The following SIAH2 variants were observed in gnomAD, a reference collection of about 807,000 sequenced individuals.
SIAH2 encodes the protein siah E3 ubiquitin protein ligase 2.
Under a neutral mutation model 20.4 loss-of-function variants are expected in SIAH2, and 4 were observed. That is an observed-to-expected ratio of 0.20 (90% CI 0.10 to 0.45). SIAH2 has a LOEUF of 0.45. SIAH2 is among the 20% of genes least tolerant of loss of function. SIAH2 has a pLI of 0.99. For synonymous variants in SIAH2, 171 were observed against 192.5 expected (o/e 0.89, Z 0.93); for missense variants, 259 against 440.3 (o/e 0.59, Z 3.69).
chr3:150,757,019 C>T (rs993380436), intron 1 of SIAH2, among the ~76,000 whole-genome samples: 1 of 152,134 alleles, frequency 6.6e-6, no homozygotes, highest in Non-Finnish European at 1.5e-5. Flanking sequence ...CCATTGCAAC[C>T]TTCCAACCAC....
At position 150,742,533 on chromosome 3, in the gene SIAH2, T is replaced by C. The variant is rs1473613088; in HGVS notation, c.583A>G (p.Ile195Val). The C allele has an allele frequency of 1.2e-6, 2 of 1,613,982 alleles. No homozygotes were observed. The highest frequency in any genetic ancestry group is 1.7e-6 in the Non-Finnish European group (2 of 1,179,970). Residue 195 changes from isoleucine (I) to valine (V), a missense_variant, in exon 2 of 2, where the codon ATT (isoleucine) becomes GTT (valine). Physicochemically the swap from Ile to Val is conservative, Grantham distance 29. Around this residue, in one of 2 missense-constraint regions of SIAH2, gnomAD observed 160 missense variants for 327.6 expected, o/e 0.49. Coordinates refer to ENST00000312960, the MANE Select transcript of SIAH2 (RefSeq NM_005067.7). The surrounding 1 kb of genome is among the most constrained non-coding windows in gnomAD (Gnocchi z 4.8). Reference sequence around the variant, plus strand: ...ATGTCTTCTCCCTGAAGGGTGGTAATGCTCTTGTGGGCGTGCATGAGATGG... The same window carrying C: ...ATGTCTTCTCCCTGAAGGGTGGTAACGCTCTTGTGGGCGTGCATGAGATGG... ...MSHLMHAHKS[I>V]TTLQGEDIVF...
At chr3:150,751,437 A>AG (rs970903301) in intron 1 of SIAH2, among the ~76,000 whole-genome samples, 1 of 151,896 alleles carries the variant, frequency 6.6e-6, no homozygotes, top group Non-Finnish European at 1.5e-5. Context: ...AGAAAAAAAA[A>AG]AGAGAGAGAT....
Position 150,762,933 on chromosome 3 carries a change from G to C in SIAH2, c.-84C>G. 1 of 1,111,938 alleles carries C rather than the reference G, an allele frequency of 9.0e-7. No individual in the cohort carries two copies. Among genetic ancestry groups the C allele is most frequent in the Non-Finnish European group, 1.1e-6 (1 of 903,868 alleles). The allele number at this position is 1,111,938 out of a possible 1,614,324, so 68.9% of individuals were successfully genotyped here. ...CAAGGCGGTGCGCGCCCCGCGGGCA[G>C]CGAGCTCCGAGGCAACGCCACGGCG... On this transcript the variant is annotated 5_prime_UTR_variant, in exon 1 of 2. Transcript: ENST00000312960. This position sits in a 1 kb window ranked among gnomAD's most constrained non-coding sequence, Gnocchi z 6.6.
At chr3:150,746,931 G>A (rs180940096) in intron 1 of SIAH2, among the ~76,000 whole-genome samples, 22 of 152,322 alleles carry the variant, frequency 1.4e-4, no homozygotes, top group African/African-American at 4.6e-4. Context: ...CATTCTACCC[G>A]TTTTATTCAC....
intron 1 of SIAH2, among the ~76,000 whole-genome samples, chr3:150,752,106 C>T (rs1714383828): frequency 6.6e-6 from 1 of 152,200 alleles, no homozygotes; most frequent in African/African-American, 2.4e-5. Flanking sequence ...AAACAAAACA[C>T]TTAAAAGCTG....
Position 150,762,796 on chromosome 3 carries a change from C to A in SIAH2, c.54G>T (p.Gln18His). 8.2e-7 allele frequency: 1 copy of A among 1,222,860 alleles called. No homozygotes were observed. The highest frequency in any genetic ancestry group is 1.0e-6 in the Non-Finnish European group (1 of 969,628). The allele number at this position is 1,222,860 out of a possible 1,614,324, so 75.8% of individuals were successfully genotyped here. Residue 18 changes from glutamine to histidine, a missense_variant, in exon 1 of 2, where the codon CAG (glutamine) becomes CAT (histidine). Gln to His is a conservative substitution (Grantham distance 24). Transcript: ENST00000312960. The surrounding 1 kb of genome is among the most constrained non-coding windows in gnomAD (Gnocchi z 6.6). The stretch of plus-strand genomic sequence containing the variant: ...GAGTGTGCTGGGGCTGCGGCGGCGG[C>A]TGCTTGCTGCAGGGTTTATTAGCGC... Reference protein sequence around the residue: ...GPSANKPCSKQPPPQPQHTPS... With the variant: ...GPSANKPCSKHPPPQPQHTPS...
At chr3:150,744,704 A>G (rs1714171434) in intron 1 of SIAH2, among the ~76,000 whole-genome samples, 1 of 152,262 alleles carries the variant, frequency 6.6e-6, no homozygotes, top group South Asian at 2.1e-4. Context: ...ATATCTGAAG[A>G]TGTTTCAAGA....
Position 150,741,922 on chromosome 3 carries a change from T to C in SIAH2, c.*219A>G, listed in dbSNP as rs1714095828. 1.8e-6 allele frequency: 1 copy of C among 564,342 alleles called. No individual in the cohort carries two copies. The highest frequency in any genetic ancestry group is 1.9e-5 in the African/African-American group (1 of 52,910). 35.0% of individuals were successfully genotyped at this position (564,342 alleles called of 1,614,324 possible). A position where few individuals can be genotyped will look rare whatever the true frequency, so the allele number is the denominator to read the frequency against. On this transcript the variant is annotated 3_prime_UTR_variant, in exon 2 of 2. Transcript: ENST00000312960. ...ACAATTCAATAAGAGTTGTTTTAGATCACAGAACAGCATCCAAATCACCAA... is the reference window on the plus strand; with the variant it reads ...ACAATTCAATAAGAGTTGTTTTAGACCACAGAACAGCATCCAAATCACCAA...
In SIAH2 at chr3:150,742,383, A is replaced by C; in HGVS notation, c.733T>G (p.Phe245Val). 6.2e-7 allele frequency: 1 copy of C among 1,614,046 alleles called. No individual in the cohort carries two copies. The highest frequency in any genetic ancestry group is 8.5e-7 in the Non-Finnish European group (1 of 1,180,014). Residue 245 changes from phenylalanine (F) to valine (V), a missense_variant, in exon 2 of 2, where the codon TTT (phenylalanine) becomes GTT (valine). By Grantham distance (50) the Phe-to-Val change is conservative. Coordinates refer to ENST00000312960, the MANE Select transcript of SIAH2 (RefSeq NM_005067.7). This position sits in a 1 kb window ranked among gnomAD's most constrained non-coding sequence, Gnocchi z 4.8. Reference protein sequence around the residue: ...KQEKYEGHQQFFAIVLLIGTR... With the variant: ...KQEKYEGHQQVFAIVLLIGTR... ...CCAATGAGCAGGACGATGGCAAAAAACTGCTGGTGGCCTTCGTACTTCTCT... is the reference window on the plus strand; with the variant it reads ...CCAATGAGCAGGACGATGGCAAAAACCTGCTGGTGGCCTTCGTACTTCTCT...
At chr3:150,744,964 T>G (rs944690056) in intron 1 of SIAH2, among the ~76,000 whole-genome samples, 2 of 152,104 alleles carry the variant, frequency 1.3e-5, no homozygotes, top group Non-Finnish European at 2.9e-5. Flanking sequence ...CACCCAAATA[T>G]ACAGAACAGG....
intron 1 of SIAH2, among the ~76,000 whole-genome samples, chr3:150,755,952 G>C (rs556204480): frequency 6.6e-6 from 1 of 152,300 alleles, no homozygotes; most frequent in Admixed American, 6.5e-5. Flanking sequence ...ACCTGACCAG[G>C]AATATTTTTC....
At chr3:150,754,323 A>T (rs1714435031) in intron 1 of SIAH2, among the ~76,000 whole-genome samples, 1 of 152,224 alleles carries the variant, frequency 6.6e-6, no homozygotes, top group Non-Finnish European at 1.5e-5. Flanking sequence ...GGAGTGAGGC[A>T]TCTCACATGG....
Position 150,762,198 on chromosome 3 carries a change from T to A in SIAH2, c.417+235A>T. The A allele has an allele frequency of 1.2e-6, 1 of 806,604 alleles. No homozygotes were observed. Among genetic ancestry groups the A allele is most frequent in the East Asian group, 3.3e-5 (1 of 29,944 alleles). 50.0% of individuals were successfully genotyped at this position (806,604 alleles called of 1,614,324 possible). On this transcript the variant is annotated intron_variant, in intron 1 of 1. Transcript: ENST00000312960. The surrounding 1 kb of genome is among the most constrained non-coding windows in gnomAD (Gnocchi z 6.6). The stretch of plus-strand genomic sequence containing the variant: ...CGGGTGAGCTACGATGTTCTAACGA[T>A]CAGCAAATGCCAATTAATCTGTTAA...
Position 150,762,861 on chromosome 3 carries a change from C to T in SIAH2, c.-12G>A. 8.3e-7 allele frequency: 1 copy of T among 1,200,116 alleles called. No homozygotes were observed. The highest frequency in any genetic ancestry group is 3.8e-5 in the East Asian group (1 of 26,146). The allele number at this position is 1,200,116 out of a possible 1,614,324, so 74.3% of individuals were successfully genotyped here. A position where few individuals can be genotyped will look rare whatever the true frequency, so the allele number is the denominator to read the frequency against. On this transcript the variant is annotated 5_prime_UTR_variant, in exon 1 of 2. Coordinates refer to ENST00000312960, the MANE Select transcript of SIAH2 (RefSeq NM_005067.7). This position sits in a 1 kb window ranked among gnomAD's most constrained non-coding sequence, Gnocchi z 6.6. ...GACGGGCGGCTCATCGCGCTCCGAA[C>T]CAACCATGGAACTGCGGGCGCCTGC...
intron 1 of SIAH2, among the ~76,000 whole-genome samples, chr3:150,751,606 A>G (rs994053236): frequency 1.3e-5 from 2 of 152,186 alleles, no homozygotes; most frequent in African/African-American, 4.8e-5. Context: ...TGGGGAAGAC[A>G]ATTCTAATTA....
At position 150,762,448 on chromosome 3, in the gene SIAH2, G is replaced by T; in HGVS notation, c.402C>A (p.Val134=). The T allele has an allele frequency of 6.2e-7, 1 of 1,612,768 alleles. No individual in the cohort carries two copies. The highest frequency in any genetic ancestry group is 8.5e-7 in the Non-Finnish European group (1 of 1,179,612). The change falls in exon 1 of 2, where the codon GTC becomes GTA. Residue 134 remains valine (V), a synonymous_variant. Transcript: ENST00000312960. This position sits in a 1 kb window ranked among gnomAD's most constrained non-coding sequence, Gnocchi z 6.6. ...NLAMEKVASA[V]LFPCKYATTG... is the part of the protein sequence containing the mutation. ...CTGGGCTTACCTTACAGGGAAACAG[G>T]ACTGCCGAGGCCACCTTCTCCATAG...
intron 1 of SIAH2, among the ~76,000 whole-genome samples, chr3:150,760,236 A>T (rs942116120): frequency 3.3e-5 from 5 of 152,200 alleles, no homozygotes; most frequent in African/African-American, 1.2e-4. Flanking sequence ...AAGGTGAGGG[A>T]CACACACCCC....
At chr3:150,749,687 G>C (rs1576581519) in intron 1 of SIAH2, among the ~76,000 whole-genome samples, 2 of 152,316 alleles carry the variant, frequency 1.3e-5, no homozygotes, top group Non-Finnish European at 2.9e-5. Context: ...TGCAACTGAA[G>C]TTGGTAGTTT....
intron 1 of SIAH2, among the ~76,000 whole-genome samples, chr3:150,746,647 C>T (rs538010209): frequency 1.3e-5 from 2 of 152,330 alleles, no homozygotes; most frequent in African/African-American, 2.4e-5. Flanking sequence ...CTCCAGCTCT[C>T]CAGGCATGGC....
Sources: gnomAD v4.1 joint callset for allele counts (sites outside exome capture counted in the v4.1 genomes callset) on GRCh38, gnomAD v4.1.1 for gene constraint, gnomAD v4.1.1 regional missense constraint, Gnocchi (gnomAD v3.1) non-coding constraint, MANE v1.5 for transcripts, NCBI Gene and HGNC (gene_info 2026-07-23, HGNC 2026-07-21) for gene names.